Variants in PIK3CD observed in about 807,000 individuals in gnomAD.
PIK3CD encodes phosphatidylinositol 4,5-bisphosphate 3-kinase catalytic subunit delta isoform.
Under a neutral mutation model 122.9 loss-of-function variants are expected in PIK3CD, and 20 were observed. That is an observed-to-expected ratio of 0.16 (90% confidence interval 0.11 to 0.24). The LOEUF (loss-of-function observed/expected upper bound fraction) is 0.24, where lower values mean the gene tolerates loss of function less well. Among genes scored for constraint, PIK3CD ranks in the 10% least tolerant of loss-of-function variants. The pLI, the probability that PIK3CD is intolerant of heterozygous loss-of-function variation, is 1.00. For missense variants in PIK3CD, 787 were observed against 1,406.3 expected (o/e 0.56, Z 7.04); for synonymous variants, 596 against 593.4 (o/e 1.00, Z -0.06).
the PIK3CD span, among the ~76,000 whole-genome samples, chr1:9,635,513 T>C: frequency 1.3e-5 from 2 of 152,134 alleles, no homozygotes; most frequent in African/African-American, 2.4e-5. Flanking sequence ...ACTAACTCTA[T>C]TCCCTTGATT....
chr1:9,631,419 C>T, the PIK3CD span, among the ~76,000 whole-genome samples: 1 of 152,216 alleles, frequency 6.6e-6, no homozygotes, highest in African/African-American at 2.4e-5. Context: ...TTTTGGGAGG[C>T]CAAGGCAGGC....
rs1449547134 is a variant in PIK3CD, at chr1:9,715,762, C to T, written c.363C>T (p.Ile121=). ...TCAACTCACAGATCAGCCTCCTCAT[C>T]GGCAAAGGTAGCTCTGCCGAGTGGG... The part of the protein sequence containing the change: ...KLINSQISLL[I]GKGLHEFDSL... Residue 121 remains isoleucine (I), a synonymous_variant, in exon 4 of 24, where the codon ATC becomes ATT. Transcript: ENST00000377346. This position sits in a 1 kb window ranked among gnomAD's most constrained non-coding sequence, Gnocchi z 4.1. The T allele has an allele frequency of 4.3e-6, 7 of 1,613,078 alleles. No homozygotes were observed. Among genetic ancestry groups the T allele is most frequent in the African/African-American group, 2.7e-5 (2 of 74,954 alleles).
intron 1 of PIK3CD, among the ~76,000 whole-genome samples, chr1:9,673,863 A>G (rs1380647875): frequency 6.6e-6 from 1 of 152,052 alleles, no homozygotes; most frequent in African/African-American, 2.4e-5. Flanking sequence ...CTCCTTTCAC[A>G]CCCAGGGTGC....
chr1:9,664,423 C>G (rs1424444987), intron 1 of PIK3CD, among the ~76,000 whole-genome samples: 1 of 152,142 alleles, frequency 6.6e-6, no homozygotes, highest in African/African-American at 2.4e-5. Context: ...GCCCTCCTGT[C>G]TAAATGTATG....
the PIK3CD span, among the ~76,000 whole-genome samples, chr1:9,641,639 G>T: frequency 6.6e-6 from 1 of 151,878 alleles, no homozygotes; most frequent in Non-Finnish European, 1.5e-5. Context: ...TGCGCTGTCT[G>T]CTCTGGCCCA....
chr1:9,716,279 G>A (rs1263272993), intron 5 of PIK3CD, 161 bp from the exon 6 acceptor site: 3 of 819,924 alleles, frequency 3.7e-6, no homozygotes, highest in South Asian at 1.5e-5. Context: ...GTGGCGTGGG[G>A]CATTGGGCAT....
intron 3 of PIK3CD, among the ~76,000 whole-genome samples, chr1:9,712,094 T>C (rs1404818497): frequency 6.7e-6 from 1 of 148,780 alleles, no homozygotes; most frequent in East Asian, 2.1e-4. Context: ...TGGAAAGAGA[T>C]TTTGGTTTGT....
At chr1:9,628,034 G>C in the PIK3CD span, among the ~76,000 whole-genome samples, 2 of 152,222 alleles carry the variant, frequency 1.3e-5, no homozygotes, top group Non-Finnish European at 2.9e-5. Flanking sequence ...GGGCGACAGA[G>C]CGAGACGCCT....
At chr1:9,685,143 A>G (rs557593494) in intron 1 of PIK3CD, among the ~76,000 whole-genome samples, 1 of 152,318 alleles carries the variant, frequency 6.6e-6, no homozygotes, top group Non-Finnish European at 1.5e-5. Flanking sequence ...GCAGGAGAGC[A>G]TGGGCCTCTT....
chr1:9,697,389 A>T (rs1646460268), intron 2 of PIK3CD, among the ~76,000 whole-genome samples: 1 of 151,894 alleles, frequency 6.6e-6, no homozygotes, highest in Admixed American at 6.6e-5. Context: ...AGTTTTAATT[A>T]ATTTTAAAAA....
Position 9,720,430 on chromosome 1 carries a change from A to G in PIK3CD, c.1471-181A>G, listed in dbSNP as rs1648351036. ...CAGTCTGATGACATTTTCGGTTGTC[A>G]CAGCTGCCAGGAGGGATGCTCTTGG... On this transcript the variant is annotated intron_variant, in intron 11 of 23. Coordinates refer to ENST00000377346, the MANE Select transcript of PIK3CD (RefSeq NM_005026.5). The surrounding 1 kb of genome is among the most constrained non-coding windows in gnomAD (Gnocchi z 9.0). The G allele has an allele frequency of 7.1e-7, 1 of 1,407,744 alleles. No individual in the cohort carries two copies. The highest frequency in any genetic ancestry group is 2.5e-5 in the Admixed American group (1 of 40,078). 87.2% of individuals were successfully genotyped at this position (1,407,744 alleles called of 1,614,324 possible). A position where few individuals can be genotyped will look rare whatever the true frequency, so the allele number is the denominator to read the frequency against.
the PIK3CD span, among the ~76,000 whole-genome samples, chr1:9,637,649 C>T: frequency 6.6e-6 from 1 of 152,140 alleles, no homozygotes; most frequent in Non-Finnish European, 1.5e-5. Context: ...GCCTCTTCCA[C>T]CTTCTGGTGG....
At position 9,689,684 on chromosome 1, in the gene PIK3CD, C is replaced by T. The variant is rs576869289; in HGVS notation, c.-137-1783C>T. On this transcript the variant is annotated intron_variant, in intron 1 of 23. Coordinates refer to ENST00000377346, the MANE Select transcript of PIK3CD (RefSeq NM_005026.5). The surrounding 1 kb of genome is among the most constrained non-coding windows in gnomAD (Gnocchi z 6.1). ...CGCTGTGTCCCCTGGGCAACTGTCT[C>T]CAGGGAGATCGGGCCCCGCCCCCGG... Among the ~76,000 whole-genome samples, 772 of 151,250 alleles carry T rather than the reference C, an allele frequency of 5.1e-3. 1 individual carries two copies. Among genetic ancestry groups the T allele is most frequent in the Non-Finnish European group, 7.8e-3 (530 of 67,588 alleles).
At chr1:9,682,332 C>T (rs763202835) in intron 1 of PIK3CD, among the ~76,000 whole-genome samples, 2 of 151,984 alleles carry the variant, frequency 1.3e-5, no homozygotes, top group Admixed American at 6.6e-5. Flanking sequence ...ACTACAACCT[C>T]CGCCTCCAGG....
At chr1:9,632,562 A>T in the PIK3CD span, among the ~76,000 whole-genome samples, 4 of 152,178 alleles carry the variant, frequency 2.6e-5, no homozygotes, top group African/African-American at 9.7e-5. Context: ...AGATCAATTT[A>T]ACCTCTCCTA....
At chr1:9,726,869 G>A (rs377350839) in intron 23 of PIK3CD, 40 bp from the exon 24 acceptor site, 98 of 1,612,982 alleles carry the variant, frequency 6.1e-5, no homozygotes, top group South Asian at 7.7e-5. Flanking sequence ...AGCAAGGTCC[G>A]GGCCCCCTTA....
the PIK3CD span, among the ~76,000 whole-genome samples, chr1:9,642,440 G>A: frequency 1.4e-4 from 21 of 150,772 alleles, no homozygotes; most frequent in Non-Finnish European, 2.7e-4. Context: ...AAACTTGGCC[G>A]GGCGCCATGG....
chr1:9,653,306 G>C (rs1217130933), intron 1 of PIK3CD: 1 of 168,994 alleles, frequency 5.9e-6, no homozygotes, highest in African/African-American at 2.4e-5. Context: ...AGAACTGGTC[G>C]TTCTTACCTA....
chr1:9,711,926 C>T (rs533072677), intron 3 of PIK3CD, among the ~76,000 whole-genome samples: 13 of 151,452 alleles, frequency 8.6e-5, no homozygotes, highest in African/African-American at 2.9e-4. Flanking sequence ...AGATGGAGTC[C>T]CGCTCTGTCG....
Sources: gnomAD v4.1 joint callset for allele counts (sites outside exome capture counted in the v4.1 genomes callset) on GRCh38, gnomAD v4.1.1 for gene constraint, Gnocchi (gnomAD v3.1) non-coding constraint, MANE v1.5 for transcripts, NCBI Gene and HGNC (gene_info 2026-07-23, HGNC 2026-07-21) for gene names.